Variants in METTL4 observed in about 807,000 individuals in gnomAD.
METTL4 encodes methyltransferase 4, N6-adenosine.
In METTL4, 40 loss-of-function variants were observed where a neutral mutation model predicts 54.0. That is an observed-to-expected ratio of 0.74 (90% CI 0.58 to 0.96). The LOEUF (loss-of-function observed/expected upper bound fraction) is 0.96. Among genes scored for constraint, METTL4 ranks in the 50% least tolerant of loss-of-function variants. The probability of loss-of-function intolerance (pLI) is 0.00; values close to 1 mark genes in which losing one functional copy is unlikely to be tolerated. For synonymous variants in METTL4, 169 were observed against 183.8 expected (o/e 0.92, Z 0.65); for missense variants, 525 against 549.0 (o/e 0.96, Z 0.44).
In METTL4 at chr18:2,539,866, CAAA is replaced by C. The variant is rs2071969635; in HGVS notation, c.1274-724_1274-722del. 3.2e-5 allele frequency: 24 copies of C among 741,806 alleles called. No individual in the cohort carries two copies. The Middle Eastern group carries it at 2.7e-3, about 83-fold the overall frequency. 46.0% of individuals were successfully genotyped at this position (741,806 alleles called of 1,614,324 possible). On this transcript the variant is annotated intron_variant, in intron 8 of 8. Coordinates refer to ENST00000574538, the MANE Select transcript of METTL4 (RefSeq NM_022840.5). ...ACAACCCATTTAAAAAAAAAAAAGA[CAAA>C]AGTCTGTCTGCAATATAAACTTTAA... is the stretch of plus-strand genomic sequence containing the variant.
intron 3 of METTL4, among the ~76,000 whole-genome samples, chr18:2,559,325 G>A (rs986132682): frequency 3.9e-5 from 6 of 152,152 alleles, no homozygotes; most frequent in Non-Finnish European, 8.8e-5. Flanking sequence ...GATGAACCTT[G>A]AAGACATAGT....
intron 4 of METTL4, 33 bp downstream of exon 4, chr18:2,554,636 C>A (rs764682601): frequency 6.4e-7 from 1 of 1,569,632 alleles, no homozygotes; most frequent in South Asian, 1.2e-5. Context: ...GAAAAATTAT[C>A]TTTTTCTAAT....
At chr18:2,542,673 A>G (rs1384704713) in intron 8 of METTL4, among the ~76,000 whole-genome samples, 3 of 152,170 alleles carry the variant, frequency 2.0e-5, no homozygotes, top group African/African-American at 7.2e-5. Context: ...CATGAGGAAC[A>G]ATGCAATCTC....
intron 2 of METTL4, 52 bp from the exon 3 acceptor site, chr18:2,563,911 G>T: frequency 1.5e-6 from 2 of 1,334,428 alleles, no homozygotes; most frequent in Non-Finnish European, 2.1e-6. Context: ...TTAATATTTT[G>T]CTTTTTCATT....
At chr18:2,563,999 C>T in intron 2 of METTL4, 140 bp from the exon 3 acceptor site, 1 of 554,984 alleles carries the variant, frequency 1.8e-6, no homozygotes. Context: ...AGGTCAAAAT[C>T]AATGCAAAGG....
intron 5 of METTL4, among the ~76,000 whole-genome samples, chr18:2,550,093 C>T (rs1022650973): frequency 6.6e-6 from 1 of 152,102 alleles, no homozygotes; most frequent in Non-Finnish European, 1.5e-5. Flanking sequence ...GTGCTCTTCC[C>T]GCAGACTAGT....
At chr18:2,549,818 C>T (rs1161386487) in intron 5 of METTL4, among the ~76,000 whole-genome samples, 1 of 50,662 alleles carries the variant, frequency 2.0e-5, no homozygotes, top group Non-Finnish European at 3.8e-5. Context: ...CCCATCTCTA[C>T]TAAAAAAAAA....
intron 4 of METTL4, chr18:2,553,245 C>T (rs1478567535): frequency 6.6e-6 from 1 of 152,282 alleles, no homozygotes; most frequent in Admixed American, 6.5e-5. Context: ...GCTGCCATCC[C>T]TCCTAACTCT....
intron 2 of METTL4, 42 bp from the exon 3 acceptor site, chr18:2,563,901 T>C (rs771869790): frequency 1.0e-5 from 15 of 1,481,150 alleles, no homozygotes; most frequent in Non-Finnish European, 1.3e-5. Context: ...TATGTTGCCA[T>C]TAATATTTTG....
At chr18:2,555,071 G>A (rs778231340) in intron 3 of METTL4, 33 bp from the exon 4 acceptor site, 116 of 1,589,150 alleles carry the variant, frequency 7.3e-5, no homozygotes, top group African/African-American at 1.2e-4. Context: ...TTAAAAGAAC[G>A]TTGACATTAA....
rs527809716 is a variant in METTL4, at chr18:2,557,679, C to A, written c.460-2641G>T. 2.0e-5 allele frequency among the ~76,000 whole-genome samples: 3 copies of A among 152,312 alleles called. No individual in the cohort carries two copies. In the South Asian group the frequency reaches 6.2e-4, roughly 32 times the overall value. On this transcript the variant is annotated intron_variant, in intron 3 of 8. Coordinates refer to ENST00000574538, the MANE Select transcript of METTL4 (RefSeq NM_022840.5). The stretch of plus-strand genomic sequence containing the variant: ...AAAGAATTGCTGCATGCATAGGAAA[C>A]CCACTGCATGCACAGCATCTAACTA...
intron 7 of METTL4, 36 bp from the exon 8 acceptor site, chr18:2,544,322 A>G: frequency 6.7e-7 from 1 of 1,502,628 alleles, no homozygotes. Context: ...ACTATATTTT[A>G]AAAAACAATT....
intron 7 of METTL4, 98 bp from the exon 8 acceptor site, chr18:2,544,384 A>T: frequency 1.2e-6 from 1 of 815,584 alleles, no homozygotes; most frequent in Non-Finnish European, 1.9e-6. Flanking sequence ...TCTGTATCTG[A>T]TTTTAACACA....
rs1281195385 is a variant in METTL4, at chr18:2,567,007, C to T, written c.210G>A (p.Lys70=). 3 of 1,614,082 alleles carry T rather than the reference C, an allele frequency of 1.9e-6. No individual in the cohort carries two copies. The highest frequency in any genetic ancestry group is 1.1e-5 in the South Asian group (1 of 91,076). The change falls in exon 2 of 9, where the codon AAG becomes AAA. Residue 70 remains lysine, a synonymous_variant. Transcript: ENST00000574538. Reference sequence around the variant, plus strand: ...AATTTCCTCCATCATCATTCTCTGGCTTAGTGGAAGAGTCAGAAGCAATAA... The same window carrying T: ...AATTTCCTCCATCATCATTCTCTGGTTTAGTGGAAGAGTCAGAAGCAATAA... ...AAFIASDSST[K]PENDDGGNYE... is the part of the protein sequence containing the mutation.
chr18:2,549,080 TCATACA>T (rs1465615811), intron 5 of METTL4, among the ~76,000 whole-genome samples: 1 of 152,184 alleles, frequency 6.6e-6, no homozygotes, highest in Non-Finnish European at 1.5e-5. Flanking sequence ...TAAAGTTAAC[TCATACA>T]TCAGTAAAAC....
chr18:2,560,030 T>C (rs910385339), intron 3 of METTL4, among the ~76,000 whole-genome samples: 1 of 152,104 alleles, frequency 6.6e-6, no homozygotes, highest in South Asian at 2.1e-4. Flanking sequence ...TGAACCACCA[T>C]GTCCAGCCTG....
chr18:2,539,924 G>C (rs9947093), intron 8 of METTL4: 39,132 of 959,044 alleles, frequency 0.041, 1,119 homozygotes, highest in African/African-American at 0.14. Flanking sequence ...GAGCTGGATA[G>C]AGATAGAAAT....
chr18:2,554,446 C>A, intron 4 of METTL4: 1 of 490,174 alleles, frequency 2.0e-6, no homozygotes, highest in Non-Finnish European at 3.6e-6. Context: ...TATATTTGTT[C>A]TCTTAGAAAT....
chr18:2,550,658 C>T (rs1295519967), intron 5 of METTL4, among the ~76,000 whole-genome samples: 2 of 152,112 alleles, frequency 1.3e-5, no homozygotes, highest in East Asian at 1.9e-4. Context: ...GCTAAACTAA[C>T]AAAACTTACT....
Sources: gnomAD v4.1 joint callset for allele counts (sites outside exome capture counted in the v4.1 genomes callset) on GRCh38, gnomAD v4.1.1 for gene constraint, MANE v1.5 for transcripts, NCBI Gene and HGNC (gene_info 2026-07-23, HGNC 2026-07-21) for gene names.